VWA8: variants seen among roughly 807,000 people sequenced by gnomAD.
VWA8 encodes the protein von Willebrand factor A domain containing 8, also known as von Willebrand factor A domain-containing protein 8.
In VWA8, 221 loss-of-function variants were observed where a neutral mutation model predicts 241.5. That is an observed-to-expected ratio of 0.91 (90% CI 0.82 to 1.02). The LOEUF is 1.02. VWA8 is among the 50% of genes least tolerant of loss of function. VWA8 has a pLI of 0.00. For missense variants in VWA8, 2,322 were observed against 2,328.7 expected (o/e 1.00, Z 0.06); for synonymous variants, 852 against 827.1 (o/e 1.03, Z -0.52).
intron 26 of VWA8, among the ~76,000 whole-genome samples, chr13:41,717,149 C>T (rs1340699252): frequency 6.6e-6 from 1 of 151,832 alleles, no homozygotes; most frequent in Non-Finnish European, 1.5e-5. Flanking sequence ...CTGGCCTGGC[C>T]AGGGCAGTCT....
At chr13:41,846,158 C>T (rs773685266) in intron 12 of VWA8, among the ~76,000 whole-genome samples, 1 of 151,844 alleles carries the variant, frequency 6.6e-6, no homozygotes, top group African/African-American at 2.4e-5. Context: ...GATCCATCCG[C>T]CCAAGTAGGT....
At chr13:41,922,278 T>C (rs1192763189) in intron 2 of VWA8, among the ~76,000 whole-genome samples, 1 of 152,122 alleles carries the variant, frequency 6.6e-6, no homozygotes, top group Non-Finnish European at 1.5e-5. Flanking sequence ...TATACAAAAA[T>C]TAATTCAAGA....
chr13:41,602,712 GTTCT>G (rs2044529390), intron 40 of VWA8, among the ~76,000 whole-genome samples: 1 of 152,116 alleles, frequency 6.6e-6, no homozygotes, highest in Non-Finnish European at 1.5e-5. Context: ...TATCATCTGA[GTTCT>G]TCACTAACAT....
chr13:41,677,253 C>A (rs755229730), intron 35 of VWA8, among the ~76,000 whole-genome samples: 1 of 152,104 alleles, frequency 6.6e-6, no homozygotes, highest in Non-Finnish European at 1.5e-5. Flanking sequence ...AATTGTTATA[C>A]TCATGTGATG....
intron 2 of VWA8, chr13:41,926,465 A>G (rs971272606): frequency 1.9e-5 from 10 of 525,324 alleles, no homozygotes; most frequent in Admixed American, 8.3e-5. Context: ...TGCGCTGGAC[A>G]TGAGAATTGC....
intron 21 of VWA8, among the ~76,000 whole-genome samples, chr13:41,759,187 C>T (rs1028742449): frequency 6.6e-6 from 1 of 151,488 alleles, no homozygotes. Flanking sequence ...ATTATTTTGC[C>T]TTCTGAAGAA....
chr13:41,789,508 T>A (rs1449914495), intron 17 of VWA8, among the ~76,000 whole-genome samples: 1 of 152,184 alleles, frequency 6.6e-6, no homozygotes, highest in Non-Finnish European at 1.5e-5. Context: ...TCATTAGGTT[T>A]TGGTTATAAG....
intron 29 of VWA8, among the ~76,000 whole-genome samples, chr13:41,694,818 C>T (rs776001831): frequency 6.6e-6 from 1 of 152,114 alleles, no homozygotes; most frequent in Non-Finnish European, 1.5e-5. Context: ...AAGTTAGTAT[C>T]GTCTTCCATT....
intron 21 of VWA8, among the ~76,000 whole-genome samples, chr13:41,739,664 A>G (rs1469123657): frequency 6.6e-6 from 1 of 152,142 alleles, no homozygotes; most frequent in Non-Finnish European, 1.5e-5. Flanking sequence ...ATCAGTGTTT[A>G]AGTTTTCTAC....
At chr13:41,755,258 T>A (rs1593747808) in intron 21 of VWA8, among the ~76,000 whole-genome samples, 1 of 152,156 alleles carries the variant, frequency 6.6e-6, no homozygotes, top group East Asian at 1.9e-4. Flanking sequence ...TTTCTCCACA[T>A]CTTCATCAGC....
chr13:41,731,205 T>C (rs1250041680), intron 22 of VWA8, among the ~76,000 whole-genome samples: 6 of 152,150 alleles, frequency 3.9e-5, no homozygotes, highest in Non-Finnish European at 2.9e-5. Flanking sequence ...CCCTGGGGTC[T>C]GGACCACAGA....
At chr13:41,945,360 G>A (rs1386526292) in intron 2 of VWA8, among the ~76,000 whole-genome samples, 3 of 150,846 alleles carry the variant, frequency 2.0e-5, no homozygotes, top group East Asian at 1.9e-4. Flanking sequence ...TCTACTTTCA[G>A]TAACAACAAA....
chr13:41,777,648 A>C (rs543133221), intron 20 of VWA8, among the ~76,000 whole-genome samples: 2 of 152,344 alleles, frequency 1.3e-5, no homozygotes, highest in East Asian at 1.9e-4. Flanking sequence ...TGGAGAGTAG[A>C]TAAGAATGGG....
At chr13:41,728,448 G>A (rs115000291) in intron 23 of VWA8, among the ~76,000 whole-genome samples, 2,177 of 152,108 alleles carry the variant, frequency 0.014, 47 homozygotes, top group African/African-American at 0.048. Flanking sequence ...ATATTTGAGT[G>A]TAAAATTATA....
chr13:41,784,749 T>TACATACACACAC (rs1869102913), intron 18 of VWA8, among the ~76,000 whole-genome samples: 1 of 108,126 alleles, frequency 9.2e-6, no homozygotes, highest in Non-Finnish European at 2.0e-5. Flanking sequence ...TATATATATA[T>TACATACACACAC]ATATATATAT....
Position 41,885,956 on chromosome 13 carries a change from A to C in VWA8, c.939T>G (p.Phe313Leu), listed in dbSNP as rs781636716. The C allele has an allele frequency of 1.2e-6, 2 of 1,605,350 alleles. No individual in the cohort carries two copies. The highest frequency in any genetic ancestry group is 2.2e-5 in the East Asian group (1 of 44,596). Residue 313 changes from phenylalanine to leucine, a missense_variant, in exon 8 of 45, where the codon TTT (phenylalanine) becomes TTG (leucine). Physicochemically the swap from Phe to Leu is conservative, Grantham distance 22 (BLOSUM62 0). Transcript: ENST00000379310. The stretch of plus-strand genomic sequence containing the variant: ...CCGCAGCTGCTAAACTATCTAAAGG[A>C]AAGTCTGGAAGTCCAAGAGTAGAAG... ...QESSTLGLPD[F>L]PLDSLAAAVQ... is the part of the protein sequence containing the mutation.
At chr13:41,637,271 G>T (rs1467242802) in intron 37 of VWA8, among the ~76,000 whole-genome samples, 1 of 151,418 alleles carries the variant, frequency 6.6e-6, no homozygotes, top group African/African-American at 2.4e-5. Flanking sequence ...TAGGGACATG[G>T]ATGAAGCTGG....
At chr13:41,811,136 A>T (rs1593788073) in intron 17 of VWA8, 89 bp downstream of exon 17, 1 of 1,118,024 alleles carries the variant, frequency 8.9e-7, no homozygotes, top group East Asian at 2.4e-5. Context: ...TATTTTGAAG[A>T]ATTGGGAATA....
chr13:41,788,089 T>C (rs1217910456), intron 17 of VWA8, among the ~76,000 whole-genome samples: 1 of 152,200 alleles, frequency 6.6e-6, no homozygotes, highest in East Asian at 1.9e-4. Context: ...GAGTGACAGT[T>C]ATTCTTCAAA....
Sources: allele counts gnomAD v4.1 joint callset (sites outside exome capture counted in the v4.1 genomes callset), GRCh38; gene constraint gnomAD v4.1.1; transcripts MANE v1.5; gene names NCBI Gene and HGNC (gene_info 2026-07-23, HGNC 2026-07-21).